COL5A2: variants seen among roughly 807,000 people sequenced by gnomAD.
The protein encoded by COL5A2 is collagen alpha-2(V) chain.
In COL5A2, 23 loss-of-function variants were observed where a neutral mutation model predicts 208.2. The observed-to-expected ratio is 0.11, with a 90% CI of 0.08 to 0.16. The LOEUF (loss-of-function observed/expected upper bound fraction) is 0.16. Ranked by LOEUF, COL5A2 falls within the 10% of genes least tolerant of loss-of-function variation. The pLI is 1.00. For synonymous variants in COL5A2, 625 were observed against 628.5 expected (o/e 0.99, Z 0.08); for missense variants, 1,590 against 1,956.4 (o/e 0.81, Z 3.53).
the COL5A2 span, among the ~76,000 whole-genome samples, chr2:189,423,094 A>C: frequency 6.6e-6 from 1 of 151,942 alleles, no homozygotes; most frequent in African/African-American, 2.4e-5. Context: ...ATACTGCTAA[A>C]CAACAAATGG....
the COL5A2 span, among the ~76,000 whole-genome samples, chr2:189,406,875 G>A: frequency 2.0e-5 from 3 of 152,134 alleles, no homozygotes; most frequent in East Asian, 1.9e-4. Context: ...TGAGAGAGAT[G>A]GAGATGTAAT....
intron 2 of COL5A2, among the ~76,000 whole-genome samples, chr2:189,106,648 G>A (rs996847186): frequency 1.3e-5 from 2 of 150,920 alleles, no homozygotes; most frequent in African/African-American, 2.4e-5. Flanking sequence ...AATGGTAATG[G>A]TGATAATGGA....
At chr2:189,065,209 T>A (rs1559086897) in intron 23 of COL5A2, 152 bp from the exon 24 acceptor site, 5 of 726,968 alleles carry the variant, frequency 6.9e-6, no homozygotes, top group Non-Finnish European at 1.2e-5. Context: ...TCTGACTCGA[T>A]GGAAAAACTT....
At chr2:189,042,594 T>C (rs763034689) in intron 49 of COL5A2, 126 bp downstream of exon 49, 43 of 841,822 alleles carry the variant, frequency 5.1e-5, no homozygotes, top group Non-Finnish European at 6.1e-5. Context: ...ATATGTGTGT[T>C]GCCAACCTCA....
chr2:189,371,694 G>T, the COL5A2 span, among the ~76,000 whole-genome samples: 3 of 152,214 alleles, frequency 2.0e-5, no homozygotes, highest in Non-Finnish European at 4.4e-5. Context: ...AGCATTCAGT[G>T]TGTGGCCTAG....
chr2:189,422,369 TAA>T, the COL5A2 span, among the ~76,000 whole-genome samples: 1 of 151,896 alleles, frequency 6.6e-6, no homozygotes, highest in Non-Finnish European at 1.5e-5. Flanking sequence ...ATTTTGGAAC[TAA>T]AAAAATGCAA....
chr2:189,419,546 T>G, the COL5A2 span, among the ~76,000 whole-genome samples: 3 of 152,246 alleles, frequency 2.0e-5, no homozygotes, highest in East Asian at 5.8e-4. Flanking sequence ...ATCCCAGTAC[T>G]TTGGGAGGCC....
the COL5A2 span, among the ~76,000 whole-genome samples, chr2:189,239,420 C>T: frequency 6.6e-6 from 1 of 151,596 alleles, no homozygotes; most frequent in Non-Finnish European, 1.5e-5. Flanking sequence ...TTACAAGGGG[C>T]AGAGGGAGGC....
chr2:189,269,889 T>C, the COL5A2 span, among the ~76,000 whole-genome samples: 12 of 152,180 alleles, frequency 7.9e-5, no homozygotes, highest in African/African-American at 2.7e-4. Flanking sequence ...TAGTAGGCCA[T>C]TAATTACTGC....
chr2:189,323,583 A>G, the COL5A2 span, among the ~76,000 whole-genome samples: 1 of 152,186 alleles, frequency 6.6e-6, no homozygotes, highest in African/African-American at 2.4e-5. Context: ...TGCTTCAAAG[A>G]GAATAAAATA....
intron 5 of COL5A2, 124 bp from the exon 6 acceptor site, chr2:189,097,454 GA>G (rs1686942989): frequency 2.0e-6 from 2 of 975,804 alleles, no homozygotes; most frequent in African/African-American, 3.2e-5. Context: ...TTCAGTTGAA[GA>G]CTATAGAGAA....
rs1685917992 is a variant in COL5A2 at position 189,057,245 on chromosome 2, C to G, written c.2337+75G>C. 4.0e-5 allele frequency: 35 copies of G among 878,614 alleles called. No individual in the cohort carries two copies. In the South Asian group the frequency reaches 5.3e-4, roughly 13 times the overall value. 54.4% of individuals were successfully genotyped at this position (878,614 alleles called of 1,614,324 possible). On this transcript the variant is annotated intron_variant, in intron 34 of 53. Coordinates refer to ENST00000374866, the MANE Select transcript of COL5A2 (RefSeq NM_000393.5). ...AGGATGGTAGAAATAAAAGCCTGCT[C>G]AAGAAATCATTTCATTTTCAGCAGA...
At chr2:189,142,917 G>A (rs1687961443) in intron 1 of COL5A2, among the ~76,000 whole-genome samples, 1 of 151,840 alleles carries the variant, frequency 6.6e-6, no homozygotes, top group Admixed American at 6.6e-5. Flanking sequence ...TATTCTCTGG[G>A]CTATTCATTC....
chr2:189,301,656 T>C, the COL5A2 span, among the ~76,000 whole-genome samples: 2 of 152,168 alleles, frequency 1.3e-5, no homozygotes, highest in East Asian at 3.9e-4. Flanking sequence ...CATGAGTTAC[T>C]CAAAAGATGA....
chr2:189,430,288 AAAG>A, the COL5A2 span, among the ~76,000 whole-genome samples: 2 of 152,188 alleles, frequency 1.3e-5, no homozygotes, highest in East Asian at 1.9e-4. Context: ...GAGGGGTTCT[AAAG>A]AAGATGTGTG....
chr2:189,288,651 C>G, the COL5A2 span, among the ~76,000 whole-genome samples: 7 of 152,080 alleles, frequency 4.6e-5, no homozygotes, highest in Admixed American at 4.6e-4. Context: ...GAACAAATAC[C>G]TATCCTTCTC....
chr2:189,381,827 T>C, the COL5A2 span, among the ~76,000 whole-genome samples: 1 of 152,066 alleles, frequency 6.6e-6, no homozygotes, highest in African/African-American at 2.4e-5. Context: ...AAACATCCTT[T>C]AAACAGAATT....
intron 3 of COL5A2, among the ~76,000 whole-genome samples, chr2:189,101,909 G>A (rs1687053625): frequency 6.6e-6 from 1 of 151,924 alleles, no homozygotes; most frequent in African/African-American, 2.4e-5. Flanking sequence ...ACATATATGG[G>A]CTTCAAAGTA....
chr2:189,230,551 A>G, the COL5A2 span, among the ~76,000 whole-genome samples: 1 of 151,964 alleles, frequency 6.6e-6, no homozygotes, highest in African/African-American at 2.4e-5. Flanking sequence ...ATATTCTAAG[A>G]AAATTTCAAA....
Sources: allele counts gnomAD v4.1 joint callset (sites outside exome capture counted in the v4.1 genomes callset), GRCh38; gene constraint gnomAD v4.1.1; transcripts MANE v1.5; gene names NCBI Gene and HGNC (gene_info 2026-07-23, HGNC 2026-07-21).